SGCG: variants seen among roughly 807,000 people sequenced by gnomAD.
The protein encoded by SGCG is gamma-sarcoglycan.
Under a neutral mutation model 29.3 loss-of-function variants are expected in SGCG, and 26 were observed. The ratio of observed to expected loss-of-function variants is 0.89; its 90% CI spans 0.65 to 1.23. The LOEUF is 1.23. Among genes scored for constraint, SGCG ranks in the 50% most tolerant of loss-of-function variants. SGCG has a pLI of 0.00. For missense variants in SGCG, 353 were observed against 356.0 expected (o/e 0.99, Z 0.07); for synonymous variants, 145 against 129.7 (o/e 1.12, Z -0.80).
chr13:23,215,128 T>C (rs1040684097), intron 2 of SGCG, among the ~76,000 whole-genome samples: 3 of 152,176 alleles, frequency 2.0e-5, no homozygotes, highest in African/African-American at 4.8e-5. Flanking sequence ...ACAGCACACT[T>C]GGTCTCCTAA....
At chr13:23,190,869 G>T (rs923372606) in intron 1 of SGCG, among the ~76,000 whole-genome samples, 1 of 152,076 alleles carries the variant, frequency 6.6e-6, no homozygotes, top group Non-Finnish European at 1.5e-5. Context: ...CTAATAAATG[G>T]CCCTGTAAAA....
At chr13:23,196,194 C>T (rs1465643405) in intron 1 of SGCG, among the ~76,000 whole-genome samples, 1 of 151,966 alleles carries the variant, frequency 6.6e-6, no homozygotes, top group African/African-American at 2.4e-5. Context: ...ATTAATTACT[C>T]TAATTTTAAT....
intron 4 of SGCG, among the ~76,000 whole-genome samples, chr13:23,263,055 A>G (rs1031598892): frequency 6.6e-6 from 1 of 152,088 alleles, no homozygotes; most frequent in African/African-American, 2.4e-5. Flanking sequence ...AGTTTGAAAT[A>G]TCACAAATTG....
intron 5 of SGCG, among the ~76,000 whole-genome samples, chr13:23,282,226 G>A (rs995657812): frequency 1.3e-5 from 2 of 152,176 alleles, no homozygotes; most frequent in African/African-American, 2.4e-5. Flanking sequence ...AAGAAACCAA[G>A]AGATTCCACG....
At chr13:23,185,584 A>G (rs958024339) in intron 1 of SGCG, among the ~76,000 whole-genome samples, 9 of 152,170 alleles carry the variant, frequency 5.9e-5, no homozygotes, top group African/African-American at 1.7e-4. Context: ...CGTGCCATGT[A>G]TTGGAACCCA....
At chr13:23,172,276 T>G in the SGCG span, among the ~76,000 whole-genome samples, 20 of 152,142 alleles carry the variant, frequency 1.3e-4, no homozygotes, top group African/African-American at 4.6e-4. Context: ...GTTTTAAGGT[T>G]TAGGTTGGCA....
chr13:23,174,413 T>A, the SGCG span, among the ~76,000 whole-genome samples: 1 of 151,908 alleles, frequency 6.6e-6, no homozygotes, highest in Admixed American at 6.6e-5. Context: ...ACAAGGGAAG[T>A]GGAGGTTAGT....
intron 2 of SGCG, among the ~76,000 whole-genome samples, chr13:23,226,162 C>T (rs1878887203): frequency 6.6e-6 from 1 of 152,138 alleles, no homozygotes; most frequent in Non-Finnish European, 1.5e-5. Context: ...AAACATCAAA[C>T]TATTACTACA....
chr13:23,319,389 C>T (rs2137525657), intron 6 of SGCG, among the ~76,000 whole-genome samples: 1 of 152,084 alleles, frequency 6.6e-6, no homozygotes, highest in South Asian at 2.1e-4. Flanking sequence ...CCTAACTTGA[C>T]CAATAAATTC....
At chr13:23,186,763 G>A (rs894424961) in intron 1 of SGCG, among the ~76,000 whole-genome samples, 2 of 152,134 alleles carry the variant, frequency 1.3e-5, no homozygotes, top group African/African-American at 2.4e-5. Context: ...AGGGGATCCC[G>A]GGCTCATGTA....
chr13:23,319,170 T>C (rs1593111596), intron 6 of SGCG, among the ~76,000 whole-genome samples: 1 of 151,848 alleles, frequency 6.6e-6, no homozygotes, highest in African/African-American at 2.4e-5. Flanking sequence ...CGGTGGCGGG[T>C]GCCTGTAAAC....
the SGCG span, among the ~76,000 whole-genome samples, chr13:23,162,574 C>T: frequency 0.067 from 10,165 of 152,086 alleles, 570 homozygotes; most frequent in Admixed American, 0.19. Flanking sequence ...TGCAGTGAGC[C>T]GAGATCAGGC....
chr13:23,309,969 T>C (rs1306451804), intron 6 of SGCG, among the ~76,000 whole-genome samples: 1 of 152,168 alleles, frequency 6.6e-6, no homozygotes, highest in Non-Finnish European at 1.5e-5. Context: ...TAAAAGCATG[T>C]TATCTTTTGC....
chr13:23,233,065 T>G (rs1879170312), intron 2 of SGCG, among the ~76,000 whole-genome samples: 1 of 152,162 alleles, frequency 6.6e-6, no homozygotes, highest in Non-Finnish European at 1.5e-5. Flanking sequence ...TGCTTTTGGC[T>G]CTATACCGAA....
intron 2 of SGCG, among the ~76,000 whole-genome samples, chr13:23,229,233 A>G (rs575082385): frequency 6.6e-6 from 1 of 152,222 alleles, no homozygotes; most frequent in South Asian, 2.1e-4. Context: ...TGTCTTTGCT[A>G]TTGTGAATAG....
the SGCG span, among the ~76,000 whole-genome samples, chr13:23,163,465 C>T: frequency 2.0e-5 from 3 of 152,064 alleles, no homozygotes; most frequent in Admixed American, 6.6e-5. Context: ...TAGGTTAATA[C>T]CTAATTCAGA....
intron 2 of SGCG, among the ~76,000 whole-genome samples, chr13:23,223,540 T>C (rs913880184): frequency 1.3e-5 from 2 of 152,222 alleles, no homozygotes; most frequent in African/African-American, 4.8e-5. Context: ...TCTATTATTT[T>C]AAAGAAATTA....
At chr13:23,308,450 T>G (rs1232808171) in intron 6 of SGCG, among the ~76,000 whole-genome samples, 1 of 152,226 alleles carries the variant, frequency 6.6e-6, no homozygotes, top group East Asian at 1.9e-4. Context: ...GGCTTTTTTC[T>G]TCTTAAACCA....
At chr13:23,261,085 C>G (rs1206662373) in intron 4 of SGCG, among the ~76,000 whole-genome samples, 1 of 152,116 alleles carries the variant, frequency 6.6e-6, no homozygotes, top group Non-Finnish European at 1.5e-5. Flanking sequence ...GTTGGCCTCC[C>G]TTGCTAGGCT....
Sources: gnomAD v4.1 joint callset for allele counts (sites outside exome capture counted in the v4.1 genomes callset) on GRCh38, gnomAD v4.1.1 for gene constraint, MANE v1.5 for transcripts, NCBI Gene and HGNC (gene_info 2026-07-23, HGNC 2026-07-21) for gene names.